Variants in LRRC1 observed in about 807,000 individuals in gnomAD.
LRRC1 encodes the protein leucine-rich repeat-containing protein 1.
A neutral mutation model predicts 69.9 loss-of-function variants in LRRC1; 28 were observed. The ratio of observed to expected loss-of-function variants is 0.40; its 90% CI spans 0.30 to 0.55. LRRC1 has a LOEUF of 0.55. Ranked by LOEUF, LRRC1 falls within the 20% of genes least tolerant of loss-of-function variation. LRRC1 has a pLI of 0.47. For missense variants in LRRC1, 498 were observed against 609.0 expected, an observed-to-expected ratio of 0.82 and a Z score of 1.92; for synonymous variants, 236 against 240.2, an observed-to-expected ratio of 0.98 and a Z score of 0.16.
intron 2 of LRRC1, among the ~76,000 whole-genome samples, chr6:53,856,559 G>C (rs990767754): frequency 7.2e-5 from 11 of 152,250 alleles, no homozygotes; most frequent in African/African-American, 2.2e-4. Context: ...TCATTTCTGG[G>C]CAGATGAAAT....
At chr6:53,888,010 T>G (rs942190875) in intron 4 of LRRC1, among the ~76,000 whole-genome samples, 5 of 152,220 alleles carry the variant, frequency 3.3e-5, no homozygotes, top group African/African-American at 1.2e-4. Flanking sequence ...TAAAAACACT[T>G]AGAAGATTCC....
At chr6:53,889,540 C>G (rs1767608219) in intron 4 of LRRC1, among the ~76,000 whole-genome samples, 1 of 147,104 alleles carries the variant, frequency 6.8e-6, no homozygotes, top group African/African-American at 2.7e-5. Context: ...GAACCAGACA[C>G]AAACAATCAC....
chr6:53,856,783 C>G (rs1766322855), intron 2 of LRRC1, among the ~76,000 whole-genome samples: 1 of 152,048 alleles, frequency 6.6e-6, no homozygotes. Flanking sequence ...TCACCCTGGC[C>G]CTAGCAGGGA....
chr6:53,853,981 C>G (rs909487634), intron 2 of LRRC1, among the ~76,000 whole-genome samples: 1 of 152,148 alleles, frequency 6.6e-6, no homozygotes, highest in Non-Finnish European at 1.5e-5. Flanking sequence ...GATACACTAA[C>G]GTGATGACAT....
At chr6:53,826,416 A>G (rs904142147) in intron 1 of LRRC1, among the ~76,000 whole-genome samples, 2 of 152,174 alleles carry the variant, frequency 1.3e-5, no homozygotes, top group African/African-American at 4.8e-5. Flanking sequence ...CCACAAAAGG[A>G]GGACAAAGAG....
intron 1 of LRRC1, among the ~76,000 whole-genome samples, chr6:53,829,872 T>C (rs1765379624): frequency 6.6e-6 from 1 of 152,198 alleles, no homozygotes; most frequent in African/African-American, 2.4e-5. Context: ...GGGATTATGA[T>C]TGGGAGTTTC....
chr6:53,880,598 T>TTA (rs1219203576), intron 3 of LRRC1, among the ~76,000 whole-genome samples: 5 of 152,166 alleles, frequency 3.3e-5, no homozygotes, highest in Non-Finnish European at 7.3e-5. Flanking sequence ...CTTTTCACCT[T>TTA]CCTTAAGTTG....
chr6:53,858,325 TAAAAG>T (rs996380477), intron 2 of LRRC1, among the ~76,000 whole-genome samples: 7 of 152,002 alleles, frequency 4.6e-5, no homozygotes, highest in African/African-American at 1.5e-4. Flanking sequence ...TGGAGGCAAG[TAAAAG>T]AAAAGTCAAC....
At chr6:53,810,518 G>A (rs9463979) in intron 1 of LRRC1, among the ~76,000 whole-genome samples, 2,235 of 152,162 alleles carry the variant, frequency 0.015, 63 homozygotes, top group African/African-American at 0.051. Flanking sequence ...TACTTGGGAG[G>A]CTGAGGCAGG....
chr6:53,814,346 C>T (rs1341516896), intron 1 of LRRC1, among the ~76,000 whole-genome samples: 2 of 152,202 alleles, frequency 1.3e-5, no homozygotes, highest in African/African-American at 4.8e-5. Flanking sequence ...AAATTAATCA[C>T]TCTGTGGGTT....
chr6:53,860,017 C>G (rs1363390598), intron 2 of LRRC1, among the ~76,000 whole-genome samples: 1 of 152,174 alleles, frequency 6.6e-6, no homozygotes, highest in African/African-American at 2.4e-5. Flanking sequence ...TCCACCTTCT[C>G]TCTCCCTTTC....
At chr6:53,834,530 A>G (rs944121389) in intron 1 of LRRC1, among the ~76,000 whole-genome samples, 1 of 152,112 alleles carries the variant, frequency 6.6e-6, no homozygotes, top group Non-Finnish European at 1.5e-5. Context: ...GAGGATTTCT[A>G]CTGTGTGATC....
chr6:53,837,645 G>A (rs1427106879), intron 1 of LRRC1, among the ~76,000 whole-genome samples: 1 of 152,094 alleles, frequency 6.6e-6, no homozygotes, highest in Non-Finnish European at 1.5e-5. Context: ...GGAGAAGTTT[G>A]GGCAACTGGG....
intron 1 of LRRC1, among the ~76,000 whole-genome samples, chr6:53,830,384 TG>T (rs943230932): frequency 1.2e-4 from 18 of 152,236 alleles, no homozygotes; most frequent in Non-Finnish European, 2.4e-4. Flanking sequence ...TGGATACTAA[TG>T]GTCTGCCTTG....
intron 8 of LRRC1, among the ~76,000 whole-genome samples, chr6:53,900,933 G>A (rs1768038200): frequency 6.6e-6 from 1 of 152,192 alleles, no homozygotes; most frequent in African/African-American, 2.4e-5. Context: ...GTTTTCAATA[G>A]TTGGAGAACT....
intron 11 of LRRC1, among the ~76,000 whole-genome samples, chr6:53,916,573 G>A (rs563369982): frequency 5.3e-5 from 8 of 152,176 alleles, no homozygotes; most frequent in Non-Finnish European, 1.0e-4. Flanking sequence ...AATACTAATA[G>A]TAGTTCCCCT....
chr6:53,842,737 G>T (rs1024892063), intron 2 of LRRC1, among the ~76,000 whole-genome samples: 10 of 152,104 alleles, frequency 6.6e-5, no homozygotes, highest in Admixed American at 5.2e-4. Flanking sequence ...TCAGTTGCTT[G>T]GTATGCTCTC....
chr6:53,803,714 G>A (rs772196020), intron 1 of LRRC1, among the ~76,000 whole-genome samples: 1 of 152,156 alleles, frequency 6.6e-6, no homozygotes, highest in Non-Finnish European at 1.5e-5. Flanking sequence ...AGTTGACTCA[G>A]TTGGAAGAAA....
intron 11 of LRRC1, among the ~76,000 whole-genome samples, chr6:53,918,800 TTTAAAGTA>T (rs1378659304): frequency 6.6e-6 from 1 of 152,218 alleles, no homozygotes; most frequent in Non-Finnish European, 1.5e-5. Flanking sequence ...CATTATAACA[TTTAAAGTA>T]CTTTCATTTA....
Sources: gnomAD v4.1 joint callset for allele counts (sites outside exome capture counted in the v4.1 genomes callset) on GRCh38, gnomAD v4.1.1 for gene constraint, MANE v1.5 for transcripts, NCBI Gene and HGNC (gene_info 2026-07-23, HGNC 2026-07-21) for gene names.